Variants in ZC3H12B observed in about 807,000 individuals in gnomAD.
ZC3H12B encodes zinc finger CCCH-type containing 12B.
In ZC3H12B, 7 loss-of-function variants were observed where a neutral mutation model predicts 43.9. The ratio of observed to expected loss-of-function variants is 0.16; its 90% CI spans 0.09 to 0.30. The LOEUF (loss-of-function observed/expected upper bound fraction) is 0.30. Ranked by LOEUF, ZC3H12B falls within the 10% of genes least tolerant of loss-of-function variation. The probability of loss-of-function intolerance (pLI) is 1.00; values close to 1 mark genes in which losing one functional copy is unlikely to be tolerated. For synonymous variants in ZC3H12B, 222 were observed against 241.7 expected (o/e 0.92, Z 0.76); for missense variants, 475 against 670.2 (o/e 0.71, Z 3.22).
chrX:65,063,310 CTCT>C, the ZC3H12B span, among the ~76,000 whole-genome samples: 1 of 111,424 alleles, frequency 9.0e-6, no homozygotes, highest in Non-Finnish European at 1.9e-5. Context: ...TCATAAATAG[CTCT>C]TATTATTTTG....
chrX:65,339,509 T>C, the ZC3H12B span, among the ~76,000 whole-genome samples: 15 of 111,313 alleles, frequency 1.3e-4, no homozygotes, highest in African/African-American at 4.6e-4. Context: ...GGTCCCAGAG[T>C]ATTTGTTGCA....
At chrX:65,488,009 C>G (rs1476696168), upstream of ZC3H12B, among the ~76,000 whole-genome samples, 1 of 111,525 alleles carries the variant, frequency 9.0e-6, no homozygotes, top group Admixed American at 9.5e-5. Context: ...GTAGCTGGGA[C>G]TATAGGCGTC....
At chrX:65,293,117 GA>G in the ZC3H12B span, among the ~76,000 whole-genome samples, 50 of 111,881 alleles carry the variant, frequency 4.5e-4, no homozygotes, top group Non-Finnish European at 8.1e-4. Context: ...AATAAACACA[GA>G]AAAAGCAGGT....
At chrX:65,300,430 A>G in the ZC3H12B span, among the ~76,000 whole-genome samples, 3 of 111,364 alleles carry the variant, frequency 2.7e-5, no homozygotes, top group South Asian at 1.1e-3. Context: ...CATAACAGAG[A>G]CAGCCATAAT....
chrX:65,225,966 G>A, the ZC3H12B span, among the ~76,000 whole-genome samples: 1 of 111,977 alleles, frequency 8.9e-6, no homozygotes, highest in South Asian at 3.7e-4. Flanking sequence ...ATATTATCCA[G>A]GAGAACTTCC....
intron 3 of ZC3H12B, among the ~76,000 whole-genome samples, chrX:65,409,348 G>T (rs2066875371): frequency 9.0e-6 from 1 of 110,987 alleles, no homozygotes; most frequent in African/African-American, 3.3e-5. Context: ...CATACTGAAT[G>T]GGGAAAACCT....
At chrX:65,040,987 A>G in the ZC3H12B span, among the ~76,000 whole-genome samples, 1 of 111,750 alleles carries the variant, frequency 8.9e-6, no homozygotes, top group Non-Finnish European at 1.9e-5. Context: ...CATGTTGCCT[A>G]GGCCAGTTTT....
upstream of ZC3H12B, among the ~76,000 whole-genome samples, chrX:65,363,180 C>A (rs1347622707): frequency 1.8e-5 from 2 of 111,069 alleles, no homozygotes; most frequent in Non-Finnish European, 3.8e-5. Context: ...ATATTGATAA[C>A]CTTCTACTTT....
chrX:65,105,263 G>T, the ZC3H12B span, among the ~76,000 whole-genome samples: 6 of 109,980 alleles, frequency 5.5e-5, no homozygotes, highest in Admixed American at 9.8e-5. Context: ...GGGGGTGGGG[G>T]ACAAGAAGAG....
the ZC3H12B span, among the ~76,000 whole-genome samples, chrX:65,130,398 T>C: frequency 1.0e-3 from 111 of 111,157 alleles, no homozygotes; most frequent in African/African-American, 3.6e-3. Flanking sequence ...GGGAAAGGCC[T>C]CTACCCATCC....
the ZC3H12B span, among the ~76,000 whole-genome samples, chrX:65,139,052 G>T: frequency 8.9e-6 from 1 of 112,230 alleles, no homozygotes. Context: ...TCTCTTCACT[G>T]TGTTGATTGT....
At chrX:65,272,159 A>C in the ZC3H12B span, 8 of 108,916 alleles carry the variant, frequency 7.3e-5, no homozygotes, top group African/African-American at 2.7e-4. Context: ...GCTTGCCATG[A>C]GCCGAGATCC....
the ZC3H12B span, among the ~76,000 whole-genome samples, chrX:65,243,745 T>C: frequency 8.9e-6 from 1 of 111,886 alleles, no homozygotes; most frequent in Non-Finnish European, 1.9e-5. Context: ...GATAAATGGA[T>C]AAAGAAAATG....
At chrX:65,299,295 G>A in the ZC3H12B span, among the ~76,000 whole-genome samples, 3 of 111,729 alleles carry the variant, frequency 2.7e-5, no homozygotes, top group Non-Finnish European at 3.8e-5. Flanking sequence ...TTGTGAGGCC[G>A]TCATTACTAT....
chrX:65,097,083 G>A, the ZC3H12B span, among the ~76,000 whole-genome samples: 1 of 111,749 alleles, frequency 8.9e-6, no homozygotes, highest in Non-Finnish European at 1.9e-5. Flanking sequence ...AGAAGAAAAG[G>A]ACAAAAGTGG....
At chrX:65,432,940 C>G (rs945774080) in intron 3 of ZC3H12B, among the ~76,000 whole-genome samples, 1 of 112,007 alleles carries the variant, frequency 8.9e-6, no homozygotes, top group Non-Finnish European at 1.9e-5. Flanking sequence ...AAATCAAGAT[C>G]CCTGCAAACT....
At chrX:65,224,467 G>A in the ZC3H12B span, among the ~76,000 whole-genome samples, 2 of 112,619 alleles carry the variant, frequency 1.8e-5, no homozygotes, top group African/African-American at 3.2e-5. Context: ...TGTGACTTCT[G>A]CATTTCCATC....
At chrX:65,167,746 G>T in the ZC3H12B span, among the ~76,000 whole-genome samples, 5 of 111,573 alleles carry the variant, frequency 4.5e-5, no homozygotes, top group Admixed American at 9.5e-5. Context: ...CCTTGAAGAG[G>T]TCCTTCACAT....
chrX:65,329,721 T>A, the ZC3H12B span, among the ~76,000 whole-genome samples: 2 of 111,442 alleles, frequency 1.8e-5, no homozygotes, highest in Non-Finnish European at 3.8e-5. Flanking sequence ...TGAATTAATT[T>A]TTTTATAAGG....
Sources: allele counts gnomAD v4.1 joint callset (sites outside exome capture counted in the v4.1 genomes callset), GRCh38; gene constraint gnomAD v4.1.1; transcripts MANE v1.5; gene names NCBI Gene and HGNC (gene_info 2026-07-23, HGNC 2026-07-21).